ZFAND3: variants seen among roughly 807,000 people sequenced by gnomAD.
ZFAND3 encodes zinc finger AN1-type containing 3.
ZFAND3 carries 10 observed loss-of-function variants against 29.6 expected under a neutral mutation model. The observed-to-expected ratio is 0.34, with a 90% CI of 0.21 to 0.57. ZFAND3 has a LOEUF of 0.57. Among genes scored for constraint, ZFAND3 ranks in the 20% least tolerant of loss-of-function variants. ZFAND3 has a pLI of 0.86. For synonymous variants in ZFAND3, 128 were observed against 112.6 expected (o/e 1.14, Z -0.87); for missense variants, 230 against 304.5 (o/e 0.76, Z 1.82).
chr6:38,081,355 A>C (rs1427058176), intron 3 of ZFAND3, among the ~76,000 whole-genome samples: 1 of 152,104 alleles, frequency 6.6e-6, no homozygotes, highest in Non-Finnish European at 1.5e-5. Context: ...GTAAGCTAAG[A>C]GGGAGCTCCT....
intron 1 of ZFAND3, among the ~76,000 whole-genome samples, chr6:37,884,722 C>T (rs1764959639): frequency 8.5e-6 from 1 of 117,956 alleles, no homozygotes; most frequent in South Asian, 2.4e-4. Flanking sequence ...TAGGGTCATT[C>T]CAGGTATGCA....
chr6:38,002,835 T>A (rs4714117), intron 2 of ZFAND3: 73,953 of 151,912 alleles, frequency 0.49, 18,742 homozygotes, highest in East Asian at 0.86. Flanking sequence ...GCAGATCTTA[T>A]TTTTTTTCTG....
At chr6:37,871,311 A>G (rs1052897339) in intron 1 of ZFAND3, among the ~76,000 whole-genome samples, 4 of 151,986 alleles carry the variant, frequency 2.6e-5, no homozygotes, top group African/African-American at 9.7e-5. Flanking sequence ...GTGTTCTTTT[A>G]TGGTTTCTGT....
rs572900711 is a variant in ZFAND3 at position 37,839,098 on chromosome 6, G to A, written c.71+19082G>A. Among the ~76,000 whole-genome samples the A allele has an allele frequency of 5.9e-5, 9 of 151,990 alleles. No homozygotes were observed. In the East Asian group the frequency reaches 1.2e-3, roughly 20 times the overall value. On this transcript the variant is annotated intron_variant, in intron 1 of 5. Coordinates refer to ENST00000287218, the MANE Select transcript of ZFAND3 (RefSeq NM_021943.3). ...TTAAATATGCCCATTGACCATTTGT[G>A]TATCTACTTTGGAACAATGTCTGTT...
At chr6:38,130,920 T>G (rs956772453) in intron 5 of ZFAND3, among the ~76,000 whole-genome samples, 47 of 152,238 alleles carry the variant, frequency 3.1e-4, no homozygotes, top group Non-Finnish European at 6.3e-4. Context: ...AGAATTCTGC[T>G]GTGAATCCGT....
intron 3 of ZFAND3, among the ~76,000 whole-genome samples, chr6:38,077,222 A>G (rs1485199638): frequency 1.3e-5 from 2 of 151,994 alleles, no homozygotes; most frequent in African/African-American, 2.4e-5. Flanking sequence ...AGATATTCTG[A>G]ATCTCTACAG....
chr6:38,032,793 C>T (rs937562707), intron 2 of ZFAND3, among the ~76,000 whole-genome samples: 3 of 152,132 alleles, frequency 2.0e-5, no homozygotes, highest in Non-Finnish European at 2.9e-5. Flanking sequence ...TTACCATGAA[C>T]GTAGAAAACT....
intron 2 of ZFAND3, among the ~76,000 whole-genome samples, chr6:37,953,697 C>A (rs1161306926): frequency 1.3e-5 from 2 of 152,068 alleles, no homozygotes; most frequent in Non-Finnish European, 2.9e-5. Flanking sequence ...ACTTGTCCTC[C>A]TTCCTTGACC....
At chr6:38,025,993 C>G (rs1763439817) in intron 2 of ZFAND3, among the ~76,000 whole-genome samples, 1 of 152,046 alleles carries the variant, frequency 6.6e-6, no homozygotes. Context: ...ATATACTCTG[C>G]CTAAAACTAT....
intron 2 of ZFAND3, among the ~76,000 whole-genome samples, chr6:37,985,068 TTAAA>T (rs1245538408): frequency 6.6e-6 from 1 of 152,358 alleles, no homozygotes; most frequent in East Asian, 1.9e-4. Flanking sequence ...CTTTAGTTTA[TTAAA>T]TAAAGATCTA....
intron 1 of ZFAND3, among the ~76,000 whole-genome samples, chr6:37,901,612 T>C (rs1409455592): frequency 6.6e-6 from 1 of 152,146 alleles, no homozygotes; most frequent in South Asian, 2.1e-4. Context: ...AGTGAGACCA[T>C]GTTTCAATAA....
At position 37,983,914 on chromosome 6, in the gene ZFAND3, A is replaced by G. The variant is rs549197774; in HGVS notation, c.112+53915A>G. On this transcript the variant is annotated intron_variant, in intron 2 of 5. Coordinates refer to ENST00000287218, the MANE Select transcript of ZFAND3 (RefSeq NM_021943.3). ...ATGAAATTGCATTTTTCAAAAGATA[A>G]CCCCATTGTTCAGCAACACGTGACT... Among the ~76,000 whole-genome samples, 57 of 152,260 alleles carry G rather than the reference A, an allele frequency of 3.7e-4. 1 individual carries two copies. Among genetic ancestry groups the G allele is most frequent in the African/African-American group, 1.3e-3 (55 of 41,564 alleles).
rs35744542 is a variant in ZFAND3 at position 37,896,682 on chromosome 6, CTG to C, written c.72-33261_72-33260del. Among the ~76,000 whole-genome samples the C allele has an allele frequency of 4.4e-3, 622 of 142,408 alleles. 4 individuals carry two copies. Among genetic ancestry groups the C allele is most frequent in the African/African-American group, 0.015 (592 of 38,972 alleles). 93.4% of individuals were successfully genotyped at this position (142,408 alleles called of 152,430 possible). A position where few individuals can be genotyped will look rare whatever the true frequency, so the allele number is the denominator to read the frequency against. Reference sequence around the variant, plus strand: ...CCTTCTGTTTTGTGTGTGTGTGTGTCTGTGTGTGTGTGTGTGTTTTAAATACC... The same window carrying C: ...CCTTCTGTTTTGTGTGTGTGTGTGTCTGTGTGTGTGTGTGTTTTAAATACC... On this transcript the variant is annotated intron_variant, in intron 1 of 5. Coordinates refer to ENST00000287218, the MANE Select transcript of ZFAND3 (RefSeq NM_021943.3).
chr6:38,014,312 T>TTTATTA (rs138224141), intron 2 of ZFAND3, among the ~76,000 whole-genome samples: 28 of 146,676 alleles, frequency 1.9e-4, no homozygotes, highest in African/African-American at 6.9e-4. Context: ...GTAATTTTAC[T>TTTATTA]TTATTATTAT....
intron 4 of ZFAND3, among the ~76,000 whole-genome samples, chr6:38,096,416 C>T (rs1764981488): frequency 6.6e-6 from 1 of 152,206 alleles, no homozygotes; most frequent in Non-Finnish European, 1.5e-5. Flanking sequence ...TGTGATCCAC[C>T]CGCCTCAGCC....
chr6:37,903,108 A>C (rs1038902508), intron 1 of ZFAND3, among the ~76,000 whole-genome samples: 18 of 152,278 alleles, frequency 1.2e-4, no homozygotes, highest in African/African-American at 4.3e-4. Context: ...GAAAGTTTTG[A>C]GAGTCTTTAT....
At chr6:37,899,528 C>G (rs1418404861) in intron 1 of ZFAND3, among the ~76,000 whole-genome samples, 1 of 151,868 alleles carries the variant, frequency 6.6e-6, no homozygotes, top group Non-Finnish European at 1.5e-5. Context: ...TTTAATGATC[C>G]GAAGTTATTG....
At chr6:38,135,802 A>G (rs1200364254) in intron 5 of ZFAND3, among the ~76,000 whole-genome samples, 1 of 152,012 alleles carries the variant, frequency 6.6e-6, no homozygotes, top group Non-Finnish European at 1.5e-5. Flanking sequence ...TAGACAGATG[A>G]GAGGTACACA....
At chr6:38,097,416 T>TA (rs1765005472) in intron 4 of ZFAND3, among the ~76,000 whole-genome samples, 1 of 152,040 alleles carries the variant, frequency 6.6e-6, no homozygotes, top group Non-Finnish European at 1.5e-5. Flanking sequence ...ATCTCTTTGT[T>TA]ATGTGAGAAT....
Sources: gnomAD v4.1 joint callset for allele counts (sites outside exome capture counted in the v4.1 genomes callset) on GRCh38, gnomAD v4.1.1 for gene constraint, MANE v1.5 for transcripts, NCBI Gene and HGNC (gene_info 2026-07-23, HGNC 2026-07-21) for gene names.